The following CNTN4 variants were observed in gnomAD, a reference collection of about 807,000 sequenced individuals.
CNTN4 encodes the protein contactin 4, also known as contactin-4.
A neutral mutation model predicts 122.5 loss-of-function variants in CNTN4; 77 were observed. The observed-to-expected ratio is 0.63, with a 90% CI of 0.52 to 0.76. CNTN4 has a LOEUF of 0.76. CNTN4 is among the 30% of genes least tolerant of loss of function. The probability of loss-of-function intolerance (pLI) is 0.00; values close to 1 mark genes in which losing one functional copy is unlikely to be tolerated. For synonymous variants in CNTN4, 512 were observed against 447.0 expected (o/e 1.15, Z -1.83); for missense variants, 1,256 against 1,259.1 (o/e 1.00, Z 0.04).
chr3:2,367,567 C>A (rs1321542722), intron 3 of CNTN4, among the ~76,000 whole-genome samples: 2 of 152,104 alleles, frequency 1.3e-5, no homozygotes, highest in East Asian at 3.9e-4. Flanking sequence ...TCTTGTTGCC[C>A]AGGCTAGAGT....
intron 2 of CNTN4, among the ~76,000 whole-genome samples, chr3:2,128,033 G>A (rs982226654): frequency 1.3e-5 from 2 of 152,216 alleles, no homozygotes; most frequent in African/African-American, 4.8e-5. Context: ...TCAAACTGCA[G>A]GCTTTTGCAG....
At chr3:2,528,785 G>T (rs2077491136) in intron 3 of CNTN4, among the ~76,000 whole-genome samples, 2 of 151,670 alleles carry the variant, frequency 1.3e-5, no homozygotes, top group South Asian at 4.2e-4. Context: ...ATAATAATTT[G>T]TTTCCACCTT....
intron 13 of CNTN4, among the ~76,000 whole-genome samples, chr3:2,936,851 C>A (rs1270689535): frequency 6.6e-6 from 1 of 152,176 alleles, no homozygotes; most frequent in East Asian, 1.9e-4. Flanking sequence ...ATGCCGATGT[C>A]AAATTTCAGT....
At chr3:2,435,075 A>G (rs1458736096) in intron 3 of CNTN4, among the ~76,000 whole-genome samples, 2 of 152,216 alleles carry the variant, frequency 1.3e-5, no homozygotes, top group Non-Finnish European at 2.9e-5. Flanking sequence ...AATTATCTAA[A>G]TCATTTAAGT....
At chr3:2,934,680 C>A (rs532521562) in intron 13 of CNTN4, among the ~76,000 whole-genome samples, 1 of 152,358 alleles carries the variant, frequency 6.6e-6, no homozygotes, top group African/African-American at 2.4e-5. Flanking sequence ...ATATCTCTTA[C>A]AGTTGCTGCA....
intron 4 of CNTN4, among the ~76,000 whole-genome samples, chr3:2,615,650 C>T (rs1440021669): frequency 6.6e-6 from 1 of 151,950 alleles, no homozygotes; most frequent in East Asian, 1.9e-4. Flanking sequence ...ATACTTGTTT[C>T]AAGGGTAAAA....
intron 4 of CNTN4, among the ~76,000 whole-genome samples, chr3:2,668,511 C>T (rs1001356878): frequency 6.6e-6 from 1 of 152,172 alleles, no homozygotes; most frequent in Non-Finnish European, 1.5e-5. Context: ...ATGGGGTTTT[C>T]TAGATATACA....
At chr3:2,184,322 G>A (rs1463804592) in intron 2 of CNTN4, among the ~76,000 whole-genome samples, 3 of 152,026 alleles carry the variant, frequency 2.0e-5, no homozygotes, top group African/African-American at 7.2e-5. Flanking sequence ...CTTCCAGGAA[G>A]GGATGAAGGA....
At chr3:2,707,081 C>G (rs149231163) in intron 4 of CNTN4, among the ~76,000 whole-genome samples, 5 of 151,988 alleles carry the variant, frequency 3.3e-5, no homozygotes, top group African/African-American at 1.2e-4. Flanking sequence ...AGGTGGATCG[C>G]TTGAGACCAG....
intron 4 of CNTN4, among the ~76,000 whole-genome samples, chr3:2,669,395 T>A (rs996608830): frequency 1.3e-5 from 2 of 152,254 alleles, no homozygotes; most frequent in African/African-American, 4.8e-5. Context: ...GTTTATAGTA[T>A]TCTCTGATGG....
intron 8 of CNTN4, among the ~76,000 whole-genome samples, chr3:2,868,540 C>A (rs1436914427): frequency 6.6e-6 from 1 of 152,196 alleles, no homozygotes; most frequent in African/African-American, 2.4e-5. Context: ...CCTTCCAGAA[C>A]AAAGTATTTT....
chr3:2,285,193 G>T (rs938318694), intron 2 of CNTN4, among the ~76,000 whole-genome samples: 2 of 151,998 alleles, frequency 1.3e-5, no homozygotes, highest in African/African-American at 4.8e-5. Flanking sequence ...GTTGCAGGAA[G>T]ATCTAAGATA....
At chr3:2,668,521 A>G (rs1323321682) in intron 4 of CNTN4, among the ~76,000 whole-genome samples, 4 of 152,216 alleles carry the variant, frequency 2.6e-5, no homozygotes. Context: ...CTAGATATAC[A>G]ATCAGGTCAT....
At chr3:2,456,511 C>T (rs2049008119) in intron 3 of CNTN4, among the ~76,000 whole-genome samples, 1 of 152,120 alleles carries the variant, frequency 6.6e-6, no homozygotes, top group Non-Finnish European at 1.5e-5. Flanking sequence ...AGGAGTTACT[C>T]AGCATTCCTC....
At chr3:2,716,994 A>G (rs545932531) in intron 4 of CNTN4, among the ~76,000 whole-genome samples, 1 of 152,150 alleles carries the variant, frequency 6.6e-6, no homozygotes, top group African/African-American at 2.4e-5. Context: ...GATCTATGAC[A>G]TTTGTTTATC....
At chr3:2,943,493 G>C (rs1245204721) in intron 13 of CNTN4, among the ~76,000 whole-genome samples, 2 of 151,608 alleles carry the variant, frequency 1.3e-5, no homozygotes, top group Non-Finnish European at 2.9e-5. Flanking sequence ...CTTCGTTCTT[G>C]ATTTAACATC....
At chr3:2,427,883 A>T (rs1262241484) in intron 3 of CNTN4, among the ~76,000 whole-genome samples, 1 of 151,698 alleles carries the variant, frequency 6.6e-6, no homozygotes, top group South Asian at 2.1e-4. Flanking sequence ...ATCAGAGACT[A>T]AGATTGCAAC....
At chr3:2,117,895 T>A (rs1408378686) in intron 2 of CNTN4, among the ~76,000 whole-genome samples, 1 of 152,204 alleles carries the variant, frequency 6.6e-6, no homozygotes, top group Non-Finnish European at 1.5e-5. Flanking sequence ...TTCACATCTG[T>A]CAGGTGGTTT....
chr3:2,241,245 T>C (rs145160096), intron 2 of CNTN4, among the ~76,000 whole-genome samples: 2,019 of 152,320 alleles, frequency 0.013, 23 homozygotes, highest in Middle Eastern at 0.031. Context: ...TTAGAAAAGT[T>C]GTAGATATCA....
Sources: allele counts gnomAD v4.1 joint callset (sites outside exome capture counted in the v4.1 genomes callset), GRCh38; gene constraint gnomAD v4.1.1; transcripts MANE v1.5; gene names NCBI Gene and HGNC (gene_info 2026-07-23, HGNC 2026-07-21).